The following MYO16 variants were observed in gnomAD, a reference collection of about 807,000 sequenced individuals.
MYO16 encodes myosin XVI, also known as unconventional myosin-XVI.
Under a neutral mutation model 205.3 loss-of-function variants are expected in MYO16, and 94 were observed. The ratio of observed to expected loss-of-function variants is 0.46; its 90% confidence interval spans 0.39 to 0.54. The LOEUF is 0.54. Among genes scored for constraint, MYO16 ranks in the 20% least tolerant of loss-of-function variants. The pLI, the probability that MYO16 is intolerant of heterozygous loss-of-function variation, is 0.00. For missense variants in MYO16, 2,315 were observed against 2,387.5 expected (o/e 0.97, Z 0.63); for synonymous variants, 988 against 954.0 (o/e 1.04, Z -0.66).
At chr13:108,894,192 A>C (rs893047784) in intron 14 of MYO16, among the ~76,000 whole-genome samples, 2 of 152,128 alleles carry the variant, frequency 1.3e-5, no homozygotes, top group Non-Finnish European at 2.9e-5. Context: ...CAGCATGGGG[A>C]AAACTGCCCC....
At chr13:109,023,246 A>ATATTTATATATTATACAGATATAAATATC (rs1886164708) in intron 23 of MYO16, among the ~76,000 whole-genome samples, 1 of 106,104 alleles carries the variant, frequency 9.4e-6, no homozygotes, top group Non-Finnish European at 1.7e-5. Context: ...ATATAAATAT[A>ATATTTATATATTATACAGATATAAATATC]TATATTTATA....
At chr13:108,889,541 G>A (rs1355435856) in intron 14 of MYO16, among the ~76,000 whole-genome samples, 1 of 152,130 alleles carries the variant, frequency 6.6e-6, no homozygotes, top group Non-Finnish European at 1.5e-5. Flanking sequence ...GGCTAACAGT[G>A]GGGGGAACAG....
chr13:109,137,235 G>C (rs1235207067), intron 31 of MYO16, among the ~76,000 whole-genome samples: 1 of 152,192 alleles, frequency 6.6e-6, no homozygotes. Flanking sequence ...CCAAGGGAAG[G>C]AGGGGGCCAG....
intron 34 of MYO16, among the ~76,000 whole-genome samples, chr13:109,192,392 C>T (rs9587785): frequency 0.33 from 50,131 of 151,940 alleles, 8,565 homozygotes; most frequent in African/African-American, 0.43. Flanking sequence ...CCTCCTAATC[C>T]TTCCTGACAT....
intron 1 of MYO16, among the ~76,000 whole-genome samples, chr13:108,664,281 A>G (rs1011389792): frequency 2.0e-5 from 3 of 152,242 alleles, no homozygotes; most frequent in African/African-American, 7.2e-5. Context: ...CATCCTATGT[A>G]AAAGTACTTA....
At position 108,961,580 on chromosome 13, in the gene MYO16, C is replaced by T. The variant is rs199624828; in HGVS notation, c.2079C>T (p.His693=). The change falls in exon 18 of 35, where the codon CAC becomes CAT. Residue 693 remains histidine, a synonymous_variant. Transcript: ENST00000457511. The stretch of plus-strand genomic sequence containing the variant: ...TCGTAATTCTAGCAGCAATATTGCA[C>T]CTTGGAGACATTCGGTTTACTGCCC... ...NLFVILAAIL[H]LGDIRFTALN... 15 of 1,613,960 alleles carry T rather than the reference C, an allele frequency of 9.3e-6. No individual in the cohort carries two copies. Among genetic ancestry groups the T allele is most frequent in the East Asian group, 2.2e-5 (1 of 44,890 alleles).
intron 34 of MYO16, among the ~76,000 whole-genome samples, chr13:109,199,766 A>C (rs1291989722): frequency 2.0e-5 from 3 of 152,184 alleles, no homozygotes; most frequent in Admixed American, 6.5e-5. Context: ...TTACAAAATC[A>C]CTATTGCTTT....
Position 109,140,671 on chromosome 13 carries a change from G to C in MYO16, c.4459G>C (p.Glu1487Gln), listed in dbSNP as rs1877019801. 1.3e-6 allele frequency: 2 copies of C among 1,488,584 alleles called. No homozygotes were observed. Among genetic ancestry groups the C allele is most frequent in the Non-Finnish European group, 1.8e-6 (2 of 1,123,130 alleles). 92.2% of individuals were successfully genotyped at this position (1,488,584 alleles called of 1,614,324 possible). A position where few individuals can be genotyped will look rare whatever the true frequency, so the allele number is the denominator to read the frequency against. The change falls in exon 32 of 35, where the codon GAG becomes CAG. Residue 1487 changes from glutamate to glutamine, a missense_variant. Physicochemically the swap from Glu to Gln is conservative, Grantham distance 29. Around this residue, in one of 3 missense-constraint regions of MYO16, gnomAD observed 1,097 missense variants for 1,092.0 expected, o/e 1.00. Coordinates refer to ENST00000457511, the MANE Select transcript of MYO16 (RefSeq NM_001198950.3). This position sits in a 1 kb window ranked among gnomAD's most constrained non-coding sequence, Gnocchi z 8.0. ...GCCGCCCCTGCTCCACCGCGCGCCGGAGGACGAGGCGGCGGGGCCCCCAGG... is the reference window on the plus strand; with the variant it reads ...GCCGCCCCTGCTCCACCGCGCGCCGCAGGACGAGGCGGCGGGGCCCCCAGG... Reference protein sequence around the residue: ...ASPPLLHRAPEDEAAGPPGDA... With the variant: ...ASPPLLHRAPQDEAAGPPGDA...
chr13:108,884,018 G>C (rs1879738438), intron 13 of MYO16, among the ~76,000 whole-genome samples: 1 of 152,196 alleles, frequency 6.6e-6, no homozygotes, highest in Non-Finnish European at 1.5e-5. Flanking sequence ...ATCTGCATCA[G>C]AGACCTATAT....
intron 10 of MYO16, among the ~76,000 whole-genome samples, chr13:108,849,501 C>CT (rs564969553): frequency 1.7e-3 from 233 of 141,030 alleles, no homozygotes; most frequent in Non-Finnish European, 2.0e-3. Context: ...AACACACAGT[C>CT]TTTTTTTTTT....
chr13:108,660,576 G>A lies in MYO16; in HGVS notation c.29-5310G>A, dbSNP rs117092001. ...TGTTGCTTTAAAGTTTGTTTTTTTC[G>A]GATATAAGAATAGCCACCCCTGCTT... is the stretch of plus-strand genomic sequence containing the variant. On this transcript the variant is annotated intron_variant, in intron 1 of 34. Transcript: ENST00000457511. 8.8e-3 allele frequency among the ~76,000 whole-genome samples: 1,329 copies of A among 151,656 alleles called. 10 individuals carry two copies. The highest frequency in any genetic ancestry group is 0.015 in the African/African-American group (600 of 41,320).
chr13:108,717,747 A>C (rs953527800), intron 3 of MYO16, among the ~76,000 whole-genome samples: 2 of 152,072 alleles, frequency 1.3e-5, no homozygotes, highest in Non-Finnish European at 2.9e-5. Context: ...GATATATGAG[A>C]GAGAAAGAGA....
intron 27 of MYO16, among the ~76,000 whole-genome samples, chr13:109,099,275 T>A (rs934786447): frequency 6.6e-6 from 1 of 152,236 alleles, no homozygotes. Context: ...TATCTAACAT[T>A]ATTCTCATAG....
At chr13:108,728,660 T>C (rs61969552) in intron 4 of MYO16, among the ~76,000 whole-genome samples, 30,868 of 152,102 alleles carry the variant, frequency 0.2, 3,409 homozygotes, top group Middle Eastern at 0.32. Context: ...TCTGTGTCAG[T>C]GTGTCCAAAT....
At chr13:108,712,597 C>T (rs1883763059) in intron 2 of MYO16, 64 bp from the exon 3 acceptor site, 19 of 1,392,012 alleles carry the variant, frequency 1.4e-5, no homozygotes, top group Non-Finnish European at 1.9e-5. Context: ...AAAGCCTACA[C>T]ATTTGGTTCC....
chr13:108,787,891 C>T (rs1407171772), intron 5 of MYO16, among the ~76,000 whole-genome samples: 2 of 152,194 alleles, frequency 1.3e-5, no homozygotes, highest in African/African-American at 4.8e-5. Flanking sequence ...TTATGTTGGT[C>T]TTCCTCCCAC....
At chr13:108,609,039 C>T (rs117484660) in intron 1 of MYO16, among the ~76,000 whole-genome samples, 1,652 of 152,118 alleles carry the variant, frequency 0.011, 44 homozygotes, top group East Asian at 0.078. Context: ...AATGGTGACC[C>T]CAGCAACACT....
chr13:109,018,168 G>A (rs916275169), intron 22 of MYO16, among the ~76,000 whole-genome samples: 2 of 152,274 alleles, frequency 1.3e-5, no homozygotes, highest in Middle Eastern at 3.4e-3. Flanking sequence ...TGCCCTTTTT[G>A]TTGATGTTGA....
intron 6 of MYO16, among the ~76,000 whole-genome samples, chr13:108,799,411 A>G (rs557304165): frequency 1.3e-5 from 2 of 152,374 alleles, no homozygotes; most frequent in South Asian, 2.1e-4. Context: ...TATATAATGC[A>G]TGTGCTTCTA....
Sources: gnomAD v4.1 joint callset for allele counts (sites outside exome capture counted in the v4.1 genomes callset) on GRCh38, gnomAD v4.1.1 for gene constraint, gnomAD v4.1.1 regional missense constraint, Gnocchi (gnomAD v3.1) non-coding constraint, MANE v1.5 for transcripts, NCBI Gene and HGNC (gene_info 2026-07-23, HGNC 2026-07-21) for gene names.